The following DLL4 variants were observed in gnomAD, a reference collection of about 807,000 sequenced individuals.
DLL4 encodes the protein delta like canonical Notch ligand 4.
In DLL4, 7 loss-of-function variants were observed where a neutral mutation model predicts 73.6. The ratio of observed to expected loss-of-function variants is 0.10; its 90% CI spans 0.05 to 0.18. The LOEUF (loss-of-function observed/expected upper bound fraction) is 0.18, where lower values mean the gene tolerates loss of function less well. Ranked by LOEUF, DLL4 falls within the 10% of genes least tolerant of loss-of-function variation. DLL4 has a pLI of 1.00. For synonymous variants in DLL4, 345 were observed against 374.3 expected, an observed-to-expected ratio of 0.92 and a Z score of 0.90; for missense variants, 614 against 929.9, an observed-to-expected ratio of 0.66 and a Z score of 4.42.
At chr15:40,937,941 C>T (rs944223530) in intron 10 of DLL4, 88 bp from the exon 11 acceptor site, 27 of 1,532,418 alleles carry the variant, frequency 1.8e-5, no homozygotes, top group African/African-American at 9.6e-5. Flanking sequence ...CCTGCCCCAT[C>T]GCCTTCTCCC....
In DLL4 at chr15:40,930,651, T is replaced by G; in HGVS notation, c.363T>G (p.Ala121=). Residue 121 remains alanine, a synonymous_variant, in exon 3 of 11, where the codon GCT becomes GCG. Transcript: ENST00000249749. This position sits in a 1 kb window ranked among gnomAD's most constrained non-coding sequence, Gnocchi z 5.7. ...WPGTFSLIIE[A]WHAPGDDLRP... ...GTACCTTCTCGCTCATCATCGAAGC[T>G]TGGCACGCGCCAGGAGACGACCTGC... The G allele has an allele frequency of 2.5e-6, 4 of 1,613,842 alleles. No homozygotes were observed. The highest frequency in any genetic ancestry group is 3.4e-6 in the Non-Finnish European group (4 of 1,179,878).
chr15:40,930,171 C>G lies in DLL4; in HGVS notation c.336+55C>G. 6.4e-7 allele frequency: 1 copy of G among 1,565,454 alleles called. No individual in the cohort carries two copies. Among genetic ancestry groups the G allele is most frequent in the South Asian group, 1.2e-5 (1 of 85,764 alleles). ...CGCAGAAGCCGAGAGAGGAGGCGCCCTGGGACCAAAGCCCCCTCCCCAGAT... is the reference window on the plus strand; with the variant it reads ...CGCAGAAGCCGAGAGAGGAGGCGCCGTGGGACCAAAGCCCCCTCCCCAGAT... On this transcript the variant is annotated intron_variant, in intron 2 of 10. Transcript: ENST00000249749. This position sits in a 1 kb window ranked among gnomAD's most constrained non-coding sequence, Gnocchi z 5.7.
In DLL4 at chr15:40,930,089, C is replaced by T; in HGVS notation, c.309C>T (p.Leu103=). 8 of 1,606,898 alleles carry T rather than the reference C, an allele frequency of 5.0e-6. No homozygotes were observed. The highest frequency in any genetic ancestry group is 6.8e-6 in the Non-Finnish European group (8 of 1,177,510). ...GTAGCGGCGGGGGGCGCAACCCTCT[C>T]CAACTGCCCTTCAATTTCACCTGGC... ...DDSSGGGRNP[L]QLPFNFTWPG... is the part of the protein sequence containing the mutation. Residue 103 remains leucine, a synonymous_variant, in exon 2 of 11, where the codon CTC becomes CTT. Transcript: ENST00000249749. The surrounding 1 kb of genome is among the most constrained non-coding windows in gnomAD (Gnocchi z 5.7).
chr15:40,935,382 T>A (rs1302647993), intron 8 of DLL4, among the ~76,000 whole-genome samples: 1 of 152,040 alleles, frequency 6.6e-6, no homozygotes, highest in African/African-American at 2.4e-5. Context: ...CTGGCTGGGG[T>A]GGCCTCTGAC....
chr15:40,931,295 C>A (rs950972738), intron 3 of DLL4: 2 of 610,344 alleles, frequency 3.3e-6, no homozygotes, highest in Non-Finnish European at 2.9e-6. Flanking sequence ...TATCAGGCCC[C>A]CTGCACATGC....
rs182963518 is a variant in DLL4, at chr15:40,930,127, C to T, written c.336+11C>T. ...AATTTCACCTGGCCGGTGAGCACAG[C>T]CTGGGCGCACTGGGAGGTCGCAGAA... On this transcript the variant is annotated intron_variant, in intron 2 of 10. Transcript: ENST00000249749. This position sits in a 1 kb window ranked among gnomAD's most constrained non-coding sequence, Gnocchi z 5.7. 2.2e-5 allele frequency: 36 copies of T among 1,603,470 alleles called. No individual in the cohort carries two copies. In the Admixed American group the frequency reaches 3.2e-4, roughly 14 times the overall value.
In DLL4 at chr15:40,934,982, T is replaced by G. The variant is rs767003675; in HGVS notation, c.1105T>G (p.Ser369Ala). The change falls in exon 8 of 11, where the codon TCC becomes GCC. Residue 369 changes from serine (S) to alanine (A), a missense_variant. This residue lies in a region of DLL4 where 386 missense variants were observed against 541.3 expected (regional missense o/e 0.71). Transcript: ENST00000249749. ...ACACAGCACCTTGAGCTGCGCCGAC[T>G]CCCCCTGCTTCAATGGGGGCTCCTG... is the stretch of plus-strand genomic sequence containing the variant. ...CEHSTLSCAD[S>A]PCFNGGSCRE... 1.9e-6 allele frequency: 3 copies of G among 1,613,428 alleles called. No homozygotes were observed. The African/African-American group carries it at 4.0e-5, about 22-fold the overall frequency.
At chr15:40,931,865 C>G in intron 4 of DLL4, 99 bp downstream of exon 4, 10 of 1,459,316 alleles carry the variant, frequency 6.9e-6, no homozygotes, top group Non-Finnish European at 9.3e-6. Flanking sequence ...AAGAGTGGGT[C>G]TGGGCCTCCT....
At chr15:40,932,500 G>A in intron 6 of DLL4, 53 bp downstream of exon 6, 2 of 1,604,046 alleles carry the variant, frequency 1.2e-6, no homozygotes, top group Non-Finnish European at 1.7e-6. Flanking sequence ...TGGGGCTGGG[G>A]GGTGGAAATC....
At position 40,930,615 on chromosome 15, in the gene DLL4, C is replaced by G. The variant is rs372529945; in HGVS notation, c.337-10C>G. ...TCGCCATCTCTCCGTCCCCCCACCC[C>G]CTTTCCCAGGGTACCTTCTCGCTCA... On this transcript the variant is annotated splice_polypyrimidine_tract_variant and intron_variant, in intron 2 of 10. Transcript: ENST00000249749. This position sits in a 1 kb window ranked among gnomAD's most constrained non-coding sequence, Gnocchi z 5.7. The G allele has an allele frequency of 6.2e-7, 1 of 1,613,740 alleles. No individual in the cohort carries two copies. The highest frequency in any genetic ancestry group is 8.5e-7 in the Non-Finnish European group (1 of 1,179,820).
intron 6 of DLL4, among the ~76,000 whole-genome samples, chr15:40,934,134 C>G (rs1175491194): frequency 6.6e-6 from 1 of 150,722 alleles, no homozygotes; most frequent in South Asian, 2.1e-4. Flanking sequence ...GAGTTCGAGA[C>G]CATCCTGGCC....
rs1892853957 is a variant in DLL4, at chr15:40,936,855, G to A, written c.1868G>A (p.Gly623Glu). Residue 623 changes from glycine to glutamate, a missense_variant, in exon 9 of 11, where the codon GGG (glycine) becomes GAG (glutamate). Physicochemically the swap from Gly to Glu is moderately conservative, Grantham distance 98 (BLOSUM62 -2). Coordinates refer to ENST00000249749, the MANE Select transcript of DLL4 (RefSeq NM_019074.4). ...LDYNLAPGPL[G>E]RGTMPGKFPH... ...TATAATCTGGCCCCAGGGCCCCTGG[G>A]GCGGGGGACCATGCCAGGAAAGTTT... The A allele has an allele frequency of 1.2e-6, 2 of 1,613,182 alleles. No individual in the cohort carries two copies. The highest frequency in any genetic ancestry group is 8.5e-7 in the Non-Finnish European group (1 of 1,179,884).
At position 40,930,457 on chromosome 15, in the gene DLL4, T is replaced by G. The variant is rs1892750099; in HGVS notation, c.337-168T>G. On this transcript the variant is annotated intron_variant, in intron 2 of 10. Transcript: ENST00000249749. The surrounding 1 kb of genome is among the most constrained non-coding windows in gnomAD (Gnocchi z 5.7). ...CCTCCCTCTACCGGGGGTTCTCCTC[T>G]CGCCTTCCCTGCTCAAGCGCTACAC... 13 of 682,104 alleles carry G rather than the reference T, an allele frequency of 1.9e-5. No homozygotes were observed. The South Asian group carries it at 2.3e-4, about 12-fold the overall frequency. 42.3% of individuals were successfully genotyped at this position (682,104 alleles called of 1,614,324 possible).
chr15:40,934,393 G>T (rs892127740), intron 6 of DLL4, among the ~76,000 whole-genome samples, 155 bp from the exon 7 acceptor site: 6 of 151,910 alleles, frequency 3.9e-5, no homozygotes, highest in African/African-American at 1.2e-4. Flanking sequence ...AAAGAAAAAA[G>T]ATTTTATTGG....
Position 40,930,294 on chromosome 15 carries a change from C to G in DLL4, c.336+178C>G, listed in dbSNP as rs191015145. The G allele has an allele frequency of 1.4e-4, 111 of 808,466 alleles. No homozygotes were observed. In the African/African-American group the frequency reaches 1.8e-3, roughly 13 times the overall value. The allele number at this position is 808,466 out of a possible 1,614,324, so 50.1% of individuals were successfully genotyped here. Reference sequence around the variant, plus strand: ...TGAGACTGATCCCAGAAAAGGCTCTCACCAGTCTCCGTCTTCCCAGTTTAT... The same window carrying G: ...TGAGACTGATCCCAGAAAAGGCTCTGACCAGTCTCCGTCTTCCCAGTTTAT... On this transcript the variant is annotated intron_variant, in intron 2 of 10. Coordinates refer to ENST00000249749, the MANE Select transcript of DLL4 (RefSeq NM_019074.4). The surrounding 1 kb of genome is among the most constrained non-coding windows in gnomAD (Gnocchi z 5.7).
At position 40,929,906 on chromosome 15, in the gene DLL4, C is replaced by T. The variant is rs1892738925; in HGVS notation, c.126C>T (p.Gly42=). The stretch of plus-strand genomic sequence containing the variant: ...TGCAGGAGTTCATCAACGAGCGCGG[C>T]GTACTGGCCAGTGGGCGGCCTTGCG... The part of the protein sequence containing the change: ...LQLQEFINER[G]VLASGRPCEP... The change falls in exon 2 of 11, where the codon GGC becomes GGT. Residue 42 remains glycine (G), a synonymous_variant. Coordinates refer to ENST00000249749, the MANE Select transcript of DLL4 (RefSeq NM_019074.4). The surrounding 1 kb of genome is among the most constrained non-coding windows in gnomAD (Gnocchi z 7.1). The T allele has an allele frequency of 8.1e-6, 13 of 1,612,948 alleles. No individual in the cohort carries two copies. In the African/African-American group the frequency reaches 1.1e-4, roughly 13 times the overall value.
Position 40,930,754 on chromosome 15 carries a change from G to C in DLL4, c.394+72G>C, listed in dbSNP as rs779866365. On this transcript the variant is annotated intron_variant, in intron 3 of 10. Transcript: ENST00000249749. This position sits in a 1 kb window ranked among gnomAD's most constrained non-coding sequence, Gnocchi z 5.7. ...CCGAAAGAGTTAATCTGTTCTAGGCGGGGGAAGTGCGGGCTTGGGGGTGGG... is the reference window on the plus strand; with the variant it reads ...CCGAAAGAGTTAATCTGTTCTAGGCCGGGGAAGTGCGGGCTTGGGGGTGGG... The C allele has an allele frequency of 1.7e-5, 25 of 1,502,722 alleles. No individual in the cohort carries two copies. The highest frequency in any genetic ancestry group is 2.3e-5 in the Non-Finnish European group (25 of 1,091,720). The allele number at this position is 1,502,722 out of a possible 1,614,324, so 93.1% of individuals were successfully genotyped here.
At chr15:40,932,093 C>T in intron 4 of DLL4, 78 bp from the exon 5 acceptor site, 1 of 1,537,210 alleles carries the variant, frequency 6.5e-7, no homozygotes, top group Non-Finnish European at 9.0e-7. Flanking sequence ...CTAGGGGATC[C>T]CCAGGGCCAG....
chr15:40,930,800 C>A lies in DLL4; in HGVS notation c.394+118C>A. 1 of 1,038,526 alleles carries A rather than the reference C, an allele frequency of 9.6e-7. No individual in the cohort carries two copies. The highest frequency in any genetic ancestry group is 1.4e-6 in the Non-Finnish European group (1 of 696,032). The allele number at this position is 1,038,526 out of a possible 1,614,324, so 64.3% of individuals were successfully genotyped here. A position where few individuals can be genotyped will look rare whatever the true frequency, so the allele number is the denominator to read the frequency against. ...GTGGGAGGCAGGACGCTTAGCTTGG[C>A]CTGGAGCTGCGCCCCGCGCTGGACG... On this transcript the variant is annotated intron_variant, in intron 3 of 10. Coordinates refer to ENST00000249749, the MANE Select transcript of DLL4 (RefSeq NM_019074.4). This position sits in a 1 kb window ranked among gnomAD's most constrained non-coding sequence, Gnocchi z 5.7.
Sources: gnomAD v4.1 joint callset for allele counts (sites outside exome capture counted in the v4.1 genomes callset) on GRCh38, gnomAD v4.1.1 for gene constraint, gnomAD v4.1.1 regional missense constraint, Gnocchi (gnomAD v3.1) non-coding constraint, MANE v1.5 for transcripts, NCBI Gene and HGNC (gene_info 2026-07-23, HGNC 2026-07-21) for gene names.